RFPL1: variants seen among roughly 807,000 people sequenced by gnomAD.
RFPL1 encodes the protein ret finger protein like 1.
A neutral mutation model predicts 9.6 loss-of-function variants in RFPL1; 6 were observed. The ratio of observed to expected loss-of-function variants is 0.62; its 90% CI spans 0.34 to 1.23. RFPL1 has a LOEUF of 1.23. Among genes scored for constraint, RFPL1 ranks in the 50% most tolerant of loss-of-function variants. The pLI is 0.03. For synonymous variants in RFPL1, 145 were observed against 149.4 expected (o/e 0.97, Z 0.22); for missense variants, 352 against 398.4 (o/e 0.88, Z 0.99).
At chr22:29,391,372 T>C in the RFPL1 span, among the ~76,000 whole-genome samples, 1 of 152,158 alleles carries the variant, frequency 6.6e-6, no homozygotes, top group Admixed American at 6.5e-5. Context: ...TTTATGTGTA[T>C]GTATGTGCCA....
At chr22:29,437,415 A>G (rs1412491998), upstream of RFPL1, 14 of 514,508 alleles carry the variant, frequency 2.7e-5, no homozygotes, top group Non-Finnish European at 4.4e-5. Flanking sequence ...CATCTCTAAA[A>G]TAAGCTTTTG....
the RFPL1 span, among the ~76,000 whole-genome samples, chr22:29,413,896 T>G: frequency 2.6e-5 from 4 of 152,326 alleles, no homozygotes; most frequent in Middle Eastern, 6.8e-3. Flanking sequence ...CCTTCAAAAC[T>G]ATTTTTGTAA....
At chr22:29,408,606 TG>T in the RFPL1 span, among the ~76,000 whole-genome samples, 2 of 152,244 alleles carry the variant, frequency 1.3e-5, no homozygotes, top group Non-Finnish European at 2.9e-5. Flanking sequence ...AAATGCTTTT[TG>T]TTTTTTCTGG....
the RFPL1 span, among the ~76,000 whole-genome samples, chr22:29,405,055 AAT>A: frequency 6.6e-6 from 1 of 152,210 alleles, no homozygotes; most frequent in African/African-American, 2.4e-5. Context: ...AACTCTGAAA[AAT>A]GAAGTTAAAT....
At chr22:29,395,885 A>G in the RFPL1 span, among the ~76,000 whole-genome samples, 1 of 152,102 alleles carries the variant, frequency 6.6e-6, no homozygotes, top group Non-Finnish European at 1.5e-5. Flanking sequence ...AGGCAGGAGG[A>G]TTACTTGAAC....
At chr22:29,410,466 A>ATATATAGATATATATATC in the RFPL1 span, among the ~76,000 whole-genome samples, 1 of 108,468 alleles carries the variant, frequency 9.2e-6, no homozygotes, top group East Asian at 2.4e-4. Context: ...ATATATATCT[A>ATATATAGATATATATATC]TATATAGATA....
the RFPL1 span, among the ~76,000 whole-genome samples, chr22:29,428,873 G>A: frequency 6.6e-6 from 1 of 152,110 alleles, no homozygotes; most frequent in African/African-American, 2.4e-5. Flanking sequence ...AGCAATAAAT[G>A]CTGACAGCAA....
At chr22:29,394,864 T>C in the RFPL1 span, among the ~76,000 whole-genome samples, 1 of 151,694 alleles carries the variant, frequency 6.6e-6, no homozygotes, top group East Asian at 1.9e-4. Context: ...TAGCGGAGAG[T>C]CAAGGCCAGG....
the RFPL1 span, among the ~76,000 whole-genome samples, chr22:29,424,065 A>T: frequency 6.6e-6 from 1 of 152,104 alleles, no homozygotes; most frequent in Non-Finnish European, 1.5e-5. Context: ...CTGTAATCCC[A>T]GTTACTCAGG....
At chr22:29,425,023 T>A in the RFPL1 span, among the ~76,000 whole-genome samples, 37 of 150,996 alleles carry the variant, frequency 2.5e-4, no homozygotes, top group African/African-American at 8.3e-4. Context: ...GCTAACACAG[T>A]GAAACCCCGT....
chr22:29,433,977 A>T (rs988785607), upstream of RFPL1, among the ~76,000 whole-genome samples: 3 of 151,764 alleles, frequency 2.0e-5, no homozygotes, highest in South Asian at 2.1e-4. Flanking sequence ...AGGCTGGTTG[A>T]GAATCTGGAT....
the RFPL1 span, among the ~76,000 whole-genome samples, chr22:29,418,650 C>T: frequency 2.6e-5 from 4 of 152,026 alleles, no homozygotes; most frequent in Admixed American, 6.6e-5. Context: ...CAGGCATGTG[C>T]CACCATGCCC....
chr22:29,426,868 G>C, the RFPL1 span, among the ~76,000 whole-genome samples: 4 of 152,198 alleles, frequency 2.6e-5, no homozygotes, highest in African/African-American at 9.6e-5. Context: ...AGAGGGCTTA[G>C]TCTTGGGACA....
chr22:29,429,200 G>A, the RFPL1 span, among the ~76,000 whole-genome samples: 9 of 152,036 alleles, frequency 5.9e-5, no homozygotes, highest in Non-Finnish European at 2.9e-5. Context: ...GACTATAGGT[G>A]CACACCATCA....
chr22:29,401,276 C>T, the RFPL1 span, among the ~76,000 whole-genome samples: 11 of 152,162 alleles, frequency 7.2e-5, no homozygotes, highest in Non-Finnish European at 1.5e-5. Flanking sequence ...TTGTCATATT[C>T]TTAGTATGTA....
the RFPL1 span, among the ~76,000 whole-genome samples, chr22:29,416,485 A>G: frequency 2.6e-5 from 4 of 152,320 alleles, no homozygotes; most frequent in Middle Eastern, 3.4e-3. Flanking sequence ...CTCACTTCCC[A>G]GGGCCTTTAT....
chr22:29,441,675 C>G lies in RFPL1; in HGVS notation c.507C>G (p.Ile169Met), dbSNP rs753323830. 3 of 1,613,932 alleles carry G rather than the reference C, an allele frequency of 1.9e-6. No homozygotes were observed. The South Asian group carries it at 3.3e-5, about 18-fold the overall frequency. The change falls in exon 2 of 2, where the codon ATC (isoleucine) becomes ATG (methionine). Residue 169 changes from isoleucine to methionine, a missense_variant. Coordinates refer to ENST00000354373, the Ensembl canonical transcript of RFPL1. The stretch of plus-strand genomic sequence containing the variant: ...AGAGATTTGACGTGTCCATTTGCAT[C>G]CTGGGCTCCCCTCGCTTTACCTGTG...
the RFPL1 span, among the ~76,000 whole-genome samples, chr22:29,389,133 C>A: frequency 6.6e-6 from 1 of 152,146 alleles, no homozygotes; most frequent in African/African-American, 2.4e-5. Context: ...GAGAGATCCT[C>A]CCGCCTCGGC....
At chr22:29,420,558 T>C in the RFPL1 span, among the ~76,000 whole-genome samples, 18 of 150,392 alleles carry the variant, frequency 1.2e-4, no homozygotes, top group Non-Finnish European at 2.5e-4. Flanking sequence ...CTTGAAATCC[T>C]GACTTCGTGG....
Sources: allele counts gnomAD v4.1 joint callset (sites outside exome capture counted in the v4.1 genomes callset), GRCh38; gene constraint gnomAD v4.1.1; transcripts MANE v1.5; gene names NCBI Gene and HGNC (gene_info 2026-07-23, HGNC 2026-07-21).